TEC: variants seen among roughly 807,000 people sequenced by gnomAD.
The protein encoded by TEC is tec protein tyrosine kinase, also known as tyrosine-protein kinase Tec.
TEC carries 72 observed loss-of-function variants against 93.0 expected under a neutral mutation model. That is an observed-to-expected ratio of 0.77 (90% CI 0.64 to 0.94). The LOEUF (loss-of-function observed/expected upper bound fraction) is 0.94, where lower values mean the gene tolerates loss of function less well. Among genes scored for constraint, TEC ranks in the 40% least tolerant of loss-of-function variants. TEC has a pLI of 0.00. For synonymous variants in TEC, 249 were observed against 247.7 expected, an observed-to-expected ratio of 1.01 and a Z score of -0.05; for missense variants, 630 against 757.9, an observed-to-expected ratio of 0.83 and a Z score of 1.98.
At chr4:48,221,404 TCTC>T (rs1266283174) in intron 2 of TEC, among the ~76,000 whole-genome samples, 1 of 152,200 alleles carries the variant, frequency 6.6e-6, no homozygotes, top group Non-Finnish European at 1.5e-5. Flanking sequence ...GCTCAGCACT[TCTC>T]CTTGCTGCCA....
intron 1 of TEC, among the ~76,000 whole-genome samples, chr4:48,263,105 G>A (rs13118885): frequency 0.38 from 57,328 of 152,002 alleles, 11,882 homozygotes; most frequent in Non-Finnish European, 0.47. Context: ...ATGACGTTGG[G>A]AAAGTCGTGA....
At chr4:48,141,497 T>A (rs1719664156) in intron 14 of TEC, 78 bp from the exon 15 acceptor site, 1 of 1,396,018 alleles carries the variant, frequency 7.2e-7, no homozygotes, top group Non-Finnish European at 1.0e-6. Flanking sequence ...TCTATTTATA[T>A]TAAATTTAGT....
intron 1 of TEC, among the ~76,000 whole-genome samples, chr4:48,232,296 CAAAAAAAACAAAACA>C (rs2109644692): frequency 7.8e-6 from 1 of 128,722 alleles, no homozygotes; most frequent in African/African-American, 3.5e-5. Context: ...CTCAAAAAAA[CAAAAAAAACAAAACA>C]AAAAAAAAAC....
At chr4:48,172,547 C>T (rs1721158128) in intron 3 of TEC, among the ~76,000 whole-genome samples, 1 of 151,994 alleles carries the variant, frequency 6.6e-6, no homozygotes. Flanking sequence ...GTGATCTTCC[C>T]ACCTGAGCCT....
At chr4:48,183,985 A>G (rs1431752541) in intron 2 of TEC, among the ~76,000 whole-genome samples, 1 of 152,170 alleles carries the variant, frequency 6.6e-6, no homozygotes, top group South Asian at 2.1e-4. Context: ...AAAAACAGTA[A>G]TGCTTTTACC....
chr4:48,161,431 T>G (rs1720651041), intron 8 of TEC, among the ~76,000 whole-genome samples: 1 of 151,986 alleles, frequency 6.6e-6, no homozygotes, highest in South Asian at 2.1e-4. Context: ...CTCTCCGATC[T>G]TCTCCTCCCT....
chr4:48,152,757 A>G (rs1171061159), intron 9 of TEC, among the ~76,000 whole-genome samples: 1 of 152,208 alleles, frequency 6.6e-6, no homozygotes, highest in Non-Finnish European at 1.5e-5. Flanking sequence ...CCAGAGAGTC[A>G]TGGAAGAATC....
intron 2 of TEC, among the ~76,000 whole-genome samples, chr4:48,201,988 G>A (rs2704416): frequency 0.055 from 7,080 of 128,152 alleles, 648 homozygotes; most frequent in African/African-American, 0.2. Context: ...ACAGAGTCTC[G>A]CTCTGTCGCC....
intron 2 of TEC, among the ~76,000 whole-genome samples, chr4:48,225,350 T>C (rs1723414060): frequency 6.6e-6 from 1 of 152,098 alleles, no homozygotes. Flanking sequence ...AATTTTTTTG[T>C]ATGTTTAGTA....
intron 2 of TEC, among the ~76,000 whole-genome samples, chr4:48,222,863 C>T (rs567984515): frequency 1.3e-5 from 2 of 152,132 alleles, no homozygotes; most frequent in Admixed American, 1.3e-4. Context: ...GTTGTGTGAG[C>T]CAATTCCTCA....
intron 2 of TEC, among the ~76,000 whole-genome samples, chr4:48,225,330 A>G (rs2109633555): frequency 6.6e-6 from 1 of 152,156 alleles, no homozygotes; most frequent in Non-Finnish European, 1.5e-5. Context: ...ACCTGCCACC[A>G]CACCCAGCTA....
Position 48,168,442 on chromosome 4 carries a change from T to C in TEC, c.495+144A>G, listed in dbSNP as rs187068198. On this transcript the variant is annotated intron_variant, in intron 6 of 17. Transcript: ENST00000381501. ...AAAAATTGAAATAAGCTACAGCACA[T>C]CTGCTTCTGAGACGATCCTAGGGAA... The C allele has an allele frequency of 8.8e-5, 68 of 775,120 alleles. No individual in the cohort carries two copies. The African/African-American group carries it at 1.1e-3, about 13-fold the overall frequency. 48.0% of individuals were successfully genotyped at this position (775,120 alleles called of 1,614,324 possible). A position where few individuals can be genotyped will look rare whatever the true frequency, so the allele number is the denominator to read the frequency against.
At chr4:48,229,587 C>T (rs1352051375) in intron 1 of TEC, among the ~76,000 whole-genome samples, 1 of 151,516 alleles carries the variant, frequency 6.6e-6, no homozygotes, top group South Asian at 2.1e-4. Context: ...AGCAGCCTGG[C>T]CAACATAGCA....
chr4:48,138,162 C>A (rs577776555), intron 17 of TEC, among the ~76,000 whole-genome samples: 2 of 152,334 alleles, frequency 1.3e-5, no homozygotes, highest in South Asian at 4.2e-4. Flanking sequence ...GTTTTGAGAA[C>A]TAAATCCAAA....
chr4:48,216,837 C>A (rs886832416), intron 2 of TEC, among the ~76,000 whole-genome samples: 1 of 152,116 alleles, frequency 6.6e-6, no homozygotes, highest in Non-Finnish European at 1.5e-5. Flanking sequence ...TTTCATATAG[C>A]CTTTCTCTCA....
Position 48,146,823 on chromosome 4 carries a change from T to C in TEC, c.1007-424A>G, listed in dbSNP as rs532180281. ...GGGAATACCAACTACTGGAAATCAGTGTGGATCTTTTAACCCAAGTCGCAT... is the reference window on the plus strand; with the variant it reads ...GGGAATACCAACTACTGGAAATCAGCGTGGATCTTTTAACCCAAGTCGCAT... On this transcript the variant is annotated intron_variant, in intron 11 of 17. Transcript: ENST00000381501. Among the ~76,000 whole-genome samples, 9 of 152,262 alleles carry C rather than the reference T, an allele frequency of 5.9e-5. No individual in the cohort carries two copies. In the South Asian group the frequency reaches 1.5e-3, roughly 25 times the overall value.
intron 2 of TEC, among the ~76,000 whole-genome samples, chr4:48,196,414 A>G (rs1355015404): frequency 3.3e-5 from 5 of 152,198 alleles, no homozygotes; most frequent in Admixed American, 2.0e-4. Context: ...TTAGCTATTA[A>G]ATGGGATGAA....
At chr4:48,246,045 A>G (rs1191022106) in intron 1 of TEC, among the ~76,000 whole-genome samples, 3 of 152,066 alleles carry the variant, frequency 2.0e-5, no homozygotes, top group Non-Finnish European at 4.4e-5. Flanking sequence ...GGAGGTAGAG[A>G]GTGCAGTGAG....
intron 2 of TEC, among the ~76,000 whole-genome samples, chr4:48,193,467 G>A (rs1365342026): frequency 2.0e-5 from 3 of 152,184 alleles, no homozygotes; most frequent in South Asian, 2.1e-4. Context: ...TTCCATCAAA[G>A]TGTACTGCTG....
Sources: allele counts gnomAD v4.1 joint callset (sites outside exome capture counted in the v4.1 genomes callset), GRCh38; gene constraint gnomAD v4.1.1; transcripts MANE v1.5; gene names NCBI Gene and HGNC (gene_info 2026-07-23, HGNC 2026-07-21).